FHOD3: variants seen among roughly 807,000 people sequenced by gnomAD.
The protein encoded by FHOD3 is FH1/FH2 domain-containing protein 3.
Under a neutral mutation model 173.0 loss-of-function variants are expected in FHOD3, and 90 were observed. The ratio of observed to expected loss-of-function variants is 0.52; its 90% CI spans 0.44 to 0.62. FHOD3 has a LOEUF of 0.62. FHOD3 is among the 20% of genes least tolerant of loss of function. The pLI, the probability that FHOD3 is intolerant of heterozygous loss-of-function variation, is 0.00. For missense variants in FHOD3, 1,945 were observed against 2,034.7 expected, an observed-to-expected ratio of 0.96 and a Z score of 0.85; for synonymous variants, 828 against 823.0, an observed-to-expected ratio of 1.01 and a Z score of -0.10.
intron 15 of FHOD3, 130 bp downstream of exon 15, chr18:36,681,700 A>G (rs888467933): frequency 2.4e-5 from 27 of 1,142,646 alleles, no homozygotes; most frequent in Middle Eastern, 6.0e-4. Context: ...TTTAAGGAAG[A>G]GAAAGACATA....
intron 5 of FHOD3, among the ~76,000 whole-genome samples, chr18:36,540,378 G>A (rs901483291): frequency 1.3e-5 from 2 of 152,222 alleles, no homozygotes; most frequent in African/African-American, 2.4e-5. Context: ...TTGTGTTTCC[G>A]TGTCAGACAT....
At chr18:36,511,692 T>C (rs1305958305) in intron 4 of FHOD3, among the ~76,000 whole-genome samples, 1 of 152,188 alleles carries the variant, frequency 6.6e-6, no homozygotes, top group Admixed American at 6.5e-5. Flanking sequence ...GTAGTGGGGC[T>C]AACAAGTTCC....
At chr18:36,628,544 G>A (rs545908165) in intron 10 of FHOD3, among the ~76,000 whole-genome samples, 1 of 152,304 alleles carries the variant, frequency 6.6e-6, no homozygotes, top group East Asian at 1.9e-4. Flanking sequence ...CTTGAACTCA[G>A]ATTTGTTTGC....
chr18:36,384,199 T>C (rs1253083311), intron 3 of FHOD3, among the ~76,000 whole-genome samples: 1 of 151,884 alleles, frequency 6.6e-6, no homozygotes, highest in Non-Finnish European at 1.5e-5. Context: ...GCTAACATGG[T>C]GAAAACCCAT....
At chr18:36,311,727 C>T (rs1318324698) in intron 1 of FHOD3, among the ~76,000 whole-genome samples, 1 of 152,148 alleles carries the variant, frequency 6.6e-6, no homozygotes, top group East Asian at 1.9e-4. Flanking sequence ...CCTTTGACTG[C>T]AAAGACAAAG....
At chr18:36,415,137 A>C (rs2049567178) in intron 3 of FHOD3, among the ~76,000 whole-genome samples, 1 of 152,100 alleles carries the variant, frequency 6.6e-6, no homozygotes, top group Admixed American at 6.6e-5. Flanking sequence ...TCGAGTGCCC[A>C]TTTTTCATGG....
intron 3 of FHOD3, among the ~76,000 whole-genome samples, chr18:36,389,183 A>AAAGAAGAAGAAGAAGAGG (rs1555689576): frequency 3.3e-5 from 5 of 152,090 alleles, no homozygotes; most frequent in Non-Finnish European, 7.4e-5. Context: ...CTTCAAAAAA[A>AAAGAAGAAGAAGAAGAGG]AAGAAGAAGA....
chr18:36,616,549 A>T (rs576566374), intron 9 of FHOD3, among the ~76,000 whole-genome samples: 1 of 152,346 alleles, frequency 6.6e-6, no homozygotes, highest in Admixed American at 6.5e-5. Context: ...GTCGAATTAC[A>T]TGTGCCTAAT....
rs920768792 is a variant in FHOD3 at position 36,444,699 on chromosome 18, AT to A, written c.338-57224del. Reference sequence around the variant, plus strand: ...TAACACAAAGGGTAGCATGCTATAGATTTTTTTTTCATTTTCCTTTTTTAAA... The same window carrying A: ...TAACACAAAGGGTAGCATGCTATAGATTTTTTTTCATTTTCCTTTTTTAAA... On this transcript the variant is annotated intron_variant, in intron 3 of 28. Coordinates refer to ENST00000590592, the MANE Select transcript of FHOD3 (RefSeq NM_001281740.3). Among the ~76,000 whole-genome samples the A allele has an allele frequency of 3.0e-4, 46 of 151,322 alleles. 1 individual carries two copies. The highest frequency in any genetic ancestry group is 1.0e-3 in the African/African-American group (41 of 41,132).
intron 6 of FHOD3, among the ~76,000 whole-genome samples, chr18:36,592,145 G>A (rs2059239323): frequency 6.6e-6 from 1 of 152,208 alleles, no homozygotes; most frequent in East Asian, 1.9e-4. Context: ...CTTGAACCTG[G>A]GAGGTGGAGG....
chr18:36,580,138 A>C (rs1320555579), intron 6 of FHOD3, among the ~76,000 whole-genome samples: 1 of 152,162 alleles, frequency 6.6e-6, no homozygotes. Context: ...AGTTTCAAAA[A>C]TACATTTGTA....
In FHOD3 at chr18:36,718,180, A is replaced by G. The variant is rs371750634; in HGVS notation, c.2882A>G (p.Asn961Ser). 184 of 1,613,246 alleles carry G rather than the reference A, an allele frequency of 1.1e-4. No individual in the cohort carries two copies. Among genetic ancestry groups the G allele is most frequent in the Non-Finnish European group, 1.5e-4 (173 of 1,179,606 alleles). ...TCCATCTCCCCTGATGCTGAGCCCAATGACAAGGTCCCAGAAACAGCGCCG... is the reference window on the plus strand; with the variant it reads ...TCCATCTCCCCTGATGCTGAGCCCAGTGACAAGGTCCCAGAAACAGCGCCG... ...RGSISPDAEP[N>S]DKVPETAPVQ... Residue 961 changes from asparagine (N) to serine (S), a missense_variant, in exon 19 of 29, where the codon AAT becomes AGT. This residue lies in a region of FHOD3 where 1,099 missense variants were observed against 1,051.2 expected (regional missense o/e 1.05). Coordinates refer to ENST00000590592, the MANE Select transcript of FHOD3 (RefSeq NM_001281740.3).
intron 2 of FHOD3, among the ~76,000 whole-genome samples, chr18:36,365,520 G>T (rs1393865886): frequency 5.9e-5 from 9 of 152,154 alleles, no homozygotes; most frequent in African/African-American, 1.9e-4. Context: ...TGAGTGTGGG[G>T]ACACAGAGCG....
intron 24 of FHOD3, among the ~76,000 whole-genome samples, chr18:36,750,194 C>T (rs1010052995): frequency 3.9e-5 from 6 of 152,112 alleles, no homozygotes; most frequent in African/African-American, 1.2e-4. Flanking sequence ...GAGGCTAAGA[C>T]AGGAGAATGG....
At chr18:36,626,042 T>C (rs1340088113) in intron 10 of FHOD3, among the ~76,000 whole-genome samples, 1 of 152,192 alleles carries the variant, frequency 6.6e-6, no homozygotes, top group Non-Finnish European at 1.5e-5. Flanking sequence ...TCAGAAAAGC[T>C]GTGTTTTATC....
chr18:36,364,142 G>A (rs975394434), intron 2 of FHOD3, among the ~76,000 whole-genome samples: 3 of 152,154 alleles, frequency 2.0e-5, no homozygotes, highest in African/African-American at 7.2e-5. Flanking sequence ...GTCATATCAA[G>A]ACAGGGAGGC....
chr18:36,740,636 A>G lies in FHOD3; in HGVS notation c.3577-20A>G, dbSNP rs1010213031. 2.5e-6 allele frequency: 4 copies of G among 1,599,056 alleles called. No individual in the cohort carries two copies. The highest frequency in any genetic ancestry group is 2.7e-5 in the African/African-American group (2 of 74,462). On this transcript the variant is annotated intron_variant, in intron 20 of 28. Coordinates refer to ENST00000590592, the MANE Select transcript of FHOD3 (RefSeq NM_001281740.3). ...GTCCATCACTAAGAGAAAATATACT[A>G]TATCATCTCCTATTTCCAGAAAATT...
intron 9 of FHOD3, among the ~76,000 whole-genome samples, chr18:36,617,422 G>A (rs1013555047): frequency 6.6e-6 from 1 of 152,090 alleles, no homozygotes; most frequent in Non-Finnish European, 1.5e-5. Context: ...CAGCAGTTTT[G>A]AGACCTGTTC....
chr18:36,299,669 C>T (rs1417929363), intron 1 of FHOD3, among the ~76,000 whole-genome samples: 1 of 152,234 alleles, frequency 6.6e-6, no homozygotes, highest in East Asian at 1.9e-4. Context: ...TGCTCCTCCA[C>T]TGCCCCCCTC....
Sources: gnomAD v4.1 joint callset for allele counts (sites outside exome capture counted in the v4.1 genomes callset) on GRCh38, gnomAD v4.1.1 for gene constraint, gnomAD v4.1.1 regional missense constraint, MANE v1.5 for transcripts, NCBI Gene and HGNC (gene_info 2026-07-23, HGNC 2026-07-21) for gene names.